The following CNOT10 variants were observed in gnomAD, a reference collection of about 807,000 sequenced individuals.
CNOT10 encodes the protein CCR4-NOT transcription complex, subunit 10.
A neutral mutation model predicts 94.6 loss-of-function variants in CNOT10; 30 were observed. The ratio of observed to expected loss-of-function variants is 0.32; its 90% CI spans 0.24 to 0.43. CNOT10 has a LOEUF of 0.43. Ranked by LOEUF, CNOT10 falls within the 20% of genes least tolerant of loss-of-function variation. CNOT10 has a pLI of 1.00. For missense variants in CNOT10, 759 were observed against 877.2 expected (o/e 0.87, Z 1.70); for synonymous variants, 289 against 301.6 (o/e 0.96, Z 0.43).
chr3:32,770,080 A>G (rs1700832085), intron 18 of CNOT10, 118 bp downstream of exon 18: 1 of 732,514 alleles, frequency 1.4e-6, no homozygotes, highest in Non-Finnish European at 2.4e-6. Context: ...ATCAGAGCTC[A>G]CTGCAGCCTC....
Position 32,773,864 on chromosome 3 carries a change from A to G in CNOT10, c.*253A>G. 2.7e-6 allele frequency: 1 copy of G among 370,318 alleles called. No homozygotes were observed. The highest frequency in any genetic ancestry group is 4.8e-6 in the Non-Finnish European group (1 of 209,164). 22.9% of individuals were successfully genotyped at this position (370,318 alleles called of 1,614,324 possible). ...ATATGCCATAGGCAATTAAAACATA[A>G]TTTTATCAGAAGTCTTTTACACTTT... is the stretch of plus-strand genomic sequence containing the variant. On this transcript the variant is annotated 3_prime_UTR_variant, in exon 19 of 19. Transcript: ENST00000328834.
intron 13 of CNOT10, among the ~76,000 whole-genome samples, chr3:32,743,679 A>G (rs116605777): frequency 0.043 from 6,544 of 152,152 alleles, 201 homozygotes; most frequent in Non-Finnish European, 0.064. Context: ...TACGGTGGTT[A>G]AACATCTGCA....
chr3:32,713,225 A>T lies in CNOT10; in HGVS notation c.431-2A>T, dbSNP rs942748922. The T allele has an allele frequency of 5.1e-6, 8 of 1,560,838 alleles. No individual in the cohort carries two copies. In the Admixed American group the frequency reaches 1.9e-4, roughly 36 times the overall value. On this transcript the variant is annotated splice_acceptor_variant, in intron 4 of 18. Coordinates refer to ENST00000328834, the MANE Select transcript of CNOT10 (RefSeq NM_015442.3). LOFTEE classifies it high-confidence loss of function. ...TTCTTTTCTGTGTTTTTTTTCTCCC[A>T]GAAGAAAAATTTGCCCAAGCAGTGT...
chr3:32,753,297 C>G, intron 13 of CNOT10: 1 of 912,232 alleles, frequency 1.1e-6, no homozygotes, highest in Admixed American at 1.7e-5. Flanking sequence ...GGCCCAGAAT[C>G]TGATGTGTGG....
chr3:32,739,317 C>T (rs1044567313), intron 13 of CNOT10, among the ~76,000 whole-genome samples: 5 of 152,158 alleles, frequency 3.3e-5, no homozygotes, highest in African/African-American at 1.2e-4. Context: ...TAGACTTCTA[C>T]TTCATTTTCT....
intron 13 of CNOT10, among the ~76,000 whole-genome samples, chr3:32,747,047 G>A (rs956533785): frequency 1.3e-5 from 2 of 151,890 alleles, no homozygotes; most frequent in Non-Finnish European, 2.9e-5. Context: ...AACCCGGGAG[G>A]CGGAGGTTGT....
rs146238730 is a variant in CNOT10 at position 32,714,666 on chromosome 3, G to A, written c.573+1297G>A. Among the ~76,000 whole-genome samples the A allele has an allele frequency of 6.1e-3, 925 of 152,210 alleles. 17 individuals are homozygous for A. Among genetic ancestry groups the A allele is most frequent in the African/African-American group, 0.021 (883 of 41,520 alleles). On this transcript the variant is annotated intron_variant, in intron 5 of 18. Coordinates refer to ENST00000328834, the MANE Select transcript of CNOT10 (RefSeq NM_015442.3). ...GGAGATTGCAGTGAGCCAAGATTACGCCACTGCACTCCAGCCTGGGAGACA... is the reference window on the plus strand; with the variant it reads ...GGAGATTGCAGTGAGCCAAGATTACACCACTGCACTCCAGCCTGGGAGACA...
At chr3:32,727,163 A>G (rs1200951658) in intron 9 of CNOT10, among the ~76,000 whole-genome samples, 1 of 151,950 alleles carries the variant, frequency 6.6e-6, no homozygotes, top group East Asian at 2.0e-4. Context: ...TAAAAAGTGG[A>G]AACTTTATAT....
At chr3:32,708,592 T>G (rs1170349147) in intron 3 of CNOT10, 78 bp from the exon 4 acceptor site, 1 of 1,270,062 alleles carries the variant, frequency 7.9e-7, no homozygotes, top group Non-Finnish European at 1.1e-6. Context: ...TATGTTCCTT[T>G]TTATTCATAT....
At chr3:32,734,666 T>G (rs1405465568) in intron 11 of CNOT10, 134 bp from the exon 12 acceptor site, 3 of 685,326 alleles carry the variant, frequency 4.4e-6, no homozygotes, top group East Asian at 5.4e-5. Flanking sequence ...CTTTTATAAC[T>G]GCTTATATTA....
intron 7 of CNOT10, among the ~76,000 whole-genome samples, chr3:32,719,761 T>C (rs1304400135): frequency 6.6e-6 from 1 of 152,216 alleles, no homozygotes; most frequent in African/African-American, 2.4e-5. Flanking sequence ...CACCAGTCTC[T>C]CTAATAACTA....
At chr3:32,715,384 T>C (rs1698073241) in intron 5 of CNOT10, among the ~76,000 whole-genome samples, 2 of 152,164 alleles carry the variant, frequency 1.3e-5, no homozygotes, top group African/African-American at 4.8e-5. Flanking sequence ...AGGTATGAGC[T>C]TAATGGTGTG....
In CNOT10 at chr3:32,685,348, C is replaced by G. The variant is rs1180550626; in HGVS notation, c.-113C>G. ...CTCCTCTAGCCGGAACCTGGGGGCC[C>G]GGAGCCGGGGTAGGCACAGAGTTGT... On this transcript the variant is annotated 5_prime_UTR_variant, in exon 1 of 19. Transcript: ENST00000328834. 38 of 1,316,616 alleles carry G rather than the reference C, an allele frequency of 2.9e-5. No homozygotes were observed. Among genetic ancestry groups the G allele is most frequent in the Non-Finnish European group, 3.6e-5 (34 of 941,394 alleles). 81.6% of individuals were successfully genotyped at this position (1,316,616 alleles called of 1,614,324 possible). A position where few individuals can be genotyped will look rare whatever the true frequency, so the allele number is the denominator to read the frequency against.
intron 14 of CNOT10, 114 bp from the exon 15 acceptor site, chr3:32,762,619 G>T: frequency 9.1e-7 from 1 of 1,097,252 alleles, no homozygotes; most frequent in African/African-American, 1.7e-5. Flanking sequence ...TTAAGGACAT[G>T]AAATATGAGA....
chr3:32,704,795 GGT>G lies in CNOT10; in HGVS notation c.118-15_118-14del. The G allele has an allele frequency of 1.3e-6, 2 of 1,536,554 alleles. No homozygotes were observed. The highest frequency in any genetic ancestry group is 2.4e-5 in the East Asian group (1 of 41,834). ...TATGTAATTTTGTGTGTGTGTGTGT[GGT>G]TTTTTTTTTTTAGTCTGGAAATTAT... is the stretch of plus-strand genomic sequence containing the variant. On this transcript the variant is annotated splice_polypyrimidine_tract_variant and intron_variant, in intron 2 of 18. Transcript: ENST00000328834.
chr3:32,757,764 G>T (rs1269612502), intron 13 of CNOT10, among the ~76,000 whole-genome samples: 1 of 152,160 alleles, frequency 6.6e-6, no homozygotes. Flanking sequence ...TGTAGGGACT[G>T]TGGCCATGGG....
At chr3:32,709,143 C>T (rs537696140) in intron 4 of CNOT10, among the ~76,000 whole-genome samples, 2 of 152,292 alleles carry the variant, frequency 1.3e-5, no homozygotes, top group South Asian at 4.1e-4. Flanking sequence ...AAGGAAGTAG[C>T]ATTTTGGAAT....
At chr3:32,757,300 C>T (rs1188104619) in intron 13 of CNOT10, among the ~76,000 whole-genome samples, 1 of 148,610 alleles carries the variant, frequency 6.7e-6, no homozygotes, top group African/African-American at 2.5e-5. Flanking sequence ...CTGCCTCAGC[C>T]TCCCAAGTAG....
At chr3:32,699,619 C>T (rs1264887931) in intron 1 of CNOT10, among the ~76,000 whole-genome samples, 1 of 152,122 alleles carries the variant, frequency 6.6e-6, no homozygotes, top group Non-Finnish European at 1.5e-5. Flanking sequence ...GAGGGAGTCA[C>T]ACTTCCCAGT....
Sources: allele counts gnomAD v4.1 joint callset (sites outside exome capture counted in the v4.1 genomes callset), GRCh38; gene constraint gnomAD v4.1.1; transcripts MANE v1.5; gene names NCBI Gene and HGNC (gene_info 2026-07-23, HGNC 2026-07-21).